Variants in PIK3R5 observed in about 807,000 individuals in gnomAD.
PIK3R5 encodes phosphoinositide 3-kinase regulatory subunit 5.
A neutral mutation model predicts 94.9 loss-of-function variants in PIK3R5; 32 were observed. The ratio of observed to expected loss-of-function variants is 0.34; its 90% confidence interval spans 0.25 to 0.45. The LOEUF (loss-of-function observed/expected upper bound fraction) is 0.45. Among genes scored for constraint, PIK3R5 ranks in the 20% least tolerant of loss-of-function variants. PIK3R5 has a pLI of 1.00. For synonymous variants in PIK3R5, 443 were observed against 479.4 expected (o/e 0.92, Z 0.99); for missense variants, 853 against 1,144.6 (o/e 0.75, Z 3.68).
chr17:8,910,379 C>A (rs1001522295), intron 2 of PIK3R5, among the ~76,000 whole-genome samples: 1 of 152,198 alleles, frequency 6.6e-6, no homozygotes, highest in Non-Finnish European at 1.5e-5. Flanking sequence ...ATGAGCTTAG[C>A]CTCCATCAAA....
At chr17:8,924,473 T>C (rs914817560) in intron 1 of PIK3R5, among the ~76,000 whole-genome samples, 2 of 152,156 alleles carry the variant, frequency 1.3e-5, no homozygotes, top group African/African-American at 4.8e-5. Flanking sequence ...TTTTTCTCCT[T>C]CCAGAGCACT....
chr17:8,923,601 A>G (rs941040495), intron 1 of PIK3R5, among the ~76,000 whole-genome samples: 1 of 152,210 alleles, frequency 6.6e-6, no homozygotes, highest in Non-Finnish European at 1.5e-5. Flanking sequence ...GAGGAAGACT[A>G]TAACAATAAA....
At chr17:8,905,604 C>G in intron 4 of PIK3R5, 65 bp downstream of exon 4, 1 of 1,228,190 alleles carries the variant, frequency 8.1e-7, no homozygotes, top group Non-Finnish European at 1.2e-6. Flanking sequence ...AGGGCTCTGC[C>G]CCAGATAGAG....
At position 8,882,078 on chromosome 17, in the gene PIK3R5, G is replaced by A. The variant is rs2089682642; in HGVS notation, c.2206-197C>T. 3.4e-6 allele frequency: 2 copies of A among 585,488 alleles called. No individual in the cohort carries two copies. Among genetic ancestry groups the A allele is most frequent in the South Asian group, 4.0e-5 (2 of 50,048 alleles). 36.3% of individuals were successfully genotyped at this position (585,488 alleles called of 1,614,324 possible). On this transcript the variant is annotated intron_variant, in intron 15 of 18. Transcript: ENST00000447110. This position sits in a 1 kb window ranked among gnomAD's most constrained non-coding sequence, Gnocchi z 4.1. ...AGGGAAGAGCTCACGTCACTGGCTT[G>A]GTCTAGGGGTCAGCAGCCTCTGTGA...
Position 8,893,804 on chromosome 17 carries a change from C to T in PIK3R5, c.413-149G>A. 1 of 620,356 alleles carries T rather than the reference C, an allele frequency of 1.6e-6. No individual in the cohort carries two copies. The highest frequency in any genetic ancestry group is 2.9e-6 in the Non-Finnish European group (1 of 341,888). 38.4% of individuals were successfully genotyped at this position (620,356 alleles called of 1,614,324 possible). A position where few individuals can be genotyped will look rare whatever the true frequency, so the allele number is the denominator to read the frequency against. The stretch of plus-strand genomic sequence containing the variant: ...CTGCAGAGAAGCTGTTCTGTGGACC[C>T]TCCAGGGTGCCTAGCAGTTTGCTTC... On this transcript the variant is annotated intron_variant, in intron 5 of 18. Transcript: ENST00000447110. This position sits in a 1 kb window ranked among gnomAD's most constrained non-coding sequence, Gnocchi z 5.1.
chr17:8,879,853 C>T lies in PIK3R5; in HGVS notation c.*786G>A, dbSNP rs1455360750. Reference sequence around the variant, plus strand: ...GATGTCTTATTTCCACCCCAACTCTCCACTCCATTTTAGTGCTGGAGAAAT... The same window carrying T: ...GATGTCTTATTTCCACCCCAACTCTTCACTCCATTTTAGTGCTGGAGAAAT... On this transcript the variant is annotated 3_prime_UTR_variant, in exon 19 of 19. Transcript: ENST00000447110. The surrounding 1 kb of genome is among the most constrained non-coding windows in gnomAD (Gnocchi z 4.4). 2 of 152,210 alleles carry T rather than the reference C, an allele frequency of 1.3e-5. No individual in the cohort carries two copies. The highest frequency in any genetic ancestry group is 4.8e-5 in the African/African-American group (2 of 41,468). 9.4% of individuals were successfully genotyped at this position (152,210 alleles called of 1,614,324 possible).
chr17:8,913,097 C>G (rs2090559995), intron 1 of PIK3R5, among the ~76,000 whole-genome samples: 2 of 152,304 alleles, frequency 1.3e-5, no homozygotes, highest in Admixed American at 1.3e-4. Flanking sequence ...GACGTGATTC[C>G]AAGAAGTGAA....
chr17:8,930,603 A>G (rs564865461), intron 1 of PIK3R5, among the ~76,000 whole-genome samples: 2 of 152,348 alleles, frequency 1.3e-5, no homozygotes, highest in East Asian at 3.9e-4. Context: ...AAATGGCCAA[A>G]AACTGAAAAC....
In PIK3R5 at chr17:8,911,718, C is replaced by A; in HGVS notation, c.-13-211G>T. ...CACATCTGAGTGGCAGGACAGAGCA[C>A]CCCTGCAGCAGAACGGGACAGAGGT... On this transcript the variant is annotated intron_variant, in intron 1 of 18. Transcript: ENST00000447110. This position sits in a 1 kb window ranked among gnomAD's most constrained non-coding sequence, Gnocchi z 5.3. 1.9e-6 allele frequency: 1 copy of A among 526,684 alleles called. No individual in the cohort carries two copies. The highest frequency in any genetic ancestry group is 2.2e-5 in the South Asian group (1 of 45,310). 32.6% of individuals were successfully genotyped at this position (526,684 alleles called of 1,614,324 possible). A position where few individuals can be genotyped will look rare whatever the true frequency, so the allele number is the denominator to read the frequency against.
intron 1 of PIK3R5, among the ~76,000 whole-genome samples, chr17:8,933,659 C>G (rs1042588400): frequency 4.6e-5 from 7 of 151,902 alleles, no homozygotes; most frequent in African/African-American, 1.7e-4. Flanking sequence ...AAATTCTTAT[C>G]AAAACAATTA....
At position 8,904,194 on chromosome 17, in the gene PIK3R5, G is replaced by C. The variant is rs2090349108; in HGVS notation, c.412+583C>G. ...TTGCTAAGTTTTCTCCTGCACTACT[G>C]TAGCTTCCTTAGACCTGATTTGCAT... On this transcript the variant is annotated intron_variant, in intron 5 of 18. Transcript: ENST00000447110. The surrounding 1 kb of genome is among the most constrained non-coding windows in gnomAD (Gnocchi z 5.1). 6.6e-6 allele frequency among the ~76,000 whole-genome samples: 1 copy of C among 152,178 alleles called. No individual in the cohort carries two copies. Among genetic ancestry groups the C allele is most frequent in the African/African-American group, 2.4e-5 (1 of 41,440 alleles).
intron 1 of PIK3R5, among the ~76,000 whole-genome samples, chr17:8,952,799 C>A (rs113137420): frequency 1.3e-5 from 2 of 152,112 alleles, no homozygotes. Context: ...ACACAGCCAA[C>A]GAGAAGTAAG....
intron 1 of PIK3R5, among the ~76,000 whole-genome samples, chr17:8,946,339 GAAAGA>G (rs1334511437): frequency 6.6e-6 from 1 of 151,486 alleles, no homozygotes; most frequent in African/African-American, 2.4e-5. Flanking sequence ...AAAACTACTA[GAAAGA>G]AAATTACTGT....
chr17:8,944,826 T>G (rs995150104), intron 1 of PIK3R5, among the ~76,000 whole-genome samples: 6 of 152,204 alleles, frequency 3.9e-5, no homozygotes, highest in East Asian at 1.9e-4. Flanking sequence ...AACTTTGTGA[T>G]AGTGGCACAC....
chr17:8,926,688 G>T (rs755917967), intron 1 of PIK3R5, among the ~76,000 whole-genome samples: 7 of 152,086 alleles, frequency 4.6e-5, no homozygotes, highest in Non-Finnish European at 7.4e-5. Flanking sequence ...TCTCCCACCA[G>T]GTCCCTCCCA....
intron 1 of PIK3R5, among the ~76,000 whole-genome samples, chr17:8,929,879 G>A (rs1193073419): frequency 2.0e-5 from 3 of 152,134 alleles, no homozygotes; most frequent in Non-Finnish European, 2.9e-5. Context: ...TACTCAGATG[G>A]TGGATCCACT....
intron 1 of PIK3R5, among the ~76,000 whole-genome samples, chr17:8,930,782 C>A (rs142012156): frequency 1.3e-5 from 2 of 152,258 alleles, no homozygotes; most frequent in South Asian, 4.1e-4. Context: ...CAAAAGAATG[C>A]GTAACATATT....
In PIK3R5 at chr17:8,890,844, G is replaced by C; in HGVS notation, c.551C>G (p.Thr184Arg). 1 of 1,613,440 alleles carries C rather than the reference G, an allele frequency of 6.2e-7. No individual in the cohort carries two copies. Among genetic ancestry groups the C allele is most frequent in the South Asian group, 1.1e-5 (1 of 90,860 alleles). ...GGCACTGTGAGGCGAGTGTCCGGGC[G>C]TACTCAGCTTATTGGCTACAGCAAG... ...EFLAVANKLS[T>R]PGHSPHSAYT... The change falls in exon 7 of 19, where the codon ACG (threonine) becomes AGG (arginine). Residue 184 changes from threonine (T) to arginine (R), a missense_variant. By Grantham distance (71) the Thr-to-Arg change is moderately conservative. Transcript: ENST00000447110. This position sits in a 1 kb window ranked among gnomAD's most constrained non-coding sequence, Gnocchi z 6.1.
rs763830849 is a variant in PIK3R5 at position 8,888,589 on chromosome 17, A to G, written c.1198T>C (p.Ser400Pro). 7 of 1,612,220 alleles carry G rather than the reference A, an allele frequency of 4.3e-6. No individual in the cohort carries two copies. The highest frequency in any genetic ancestry group is 5.9e-6 in the Non-Finnish European group (7 of 1,179,548). Reference protein sequence around the residue: ...GYVEDSEESSSEWPWRRGSQE... With the variant: ...GYVEDSEESSPEWPWRRGSQE... ...CTGCCACGCCTCCAAGGCCACTCGG[A>G]GGAGCTCTCCTCGCTGTCCTCCACG... The change falls in exon 10 of 19, where the codon TCC (serine) becomes CCC (proline). Residue 400 changes from serine to proline, a missense_variant. Ser to Pro is a moderately conservative substitution (Grantham distance 74). Transcript: ENST00000447110. The surrounding 1 kb of genome is among the most constrained non-coding windows in gnomAD (Gnocchi z 7.8).
Sources: gnomAD v4.1 joint callset for allele counts (sites outside exome capture counted in the v4.1 genomes callset) on GRCh38, gnomAD v4.1.1 for gene constraint, Gnocchi (gnomAD v3.1) non-coding constraint, MANE v1.5 for transcripts, NCBI Gene and HGNC (gene_info 2026-07-23, HGNC 2026-07-21) for gene names.